Variants in AOX1 observed in about 807,000 individuals in gnomAD.
AOX1 encodes aldehyde oxidase 1, also known as aldehyde oxidase.
Under a neutral mutation model 169.5 loss-of-function variants are expected in AOX1, and 153 were observed. The observed-to-expected ratio is 0.90, with a 90% CI of 0.79 to 1.03. The LOEUF (loss-of-function observed/expected upper bound fraction) is 1.03, where lower values mean the gene tolerates loss of function less well. Among genes scored for constraint, AOX1 ranks in the 50% least tolerant of loss-of-function variants. The pLI, the probability that AOX1 is intolerant of heterozygous loss-of-function variation, is 0.00. For synonymous variants in AOX1, 562 were observed against 581.9 expected, an observed-to-expected ratio of 0.97 and a Z score of 0.49; for missense variants, 1,656 against 1,663.9, an observed-to-expected ratio of 1.00 and a Z score of 0.08.
chr2:200,673,249 A>G (rs2036052311), downstream of AOX1, among the ~76,000 whole-genome samples: 1 of 152,074 alleles, frequency 6.6e-6, no homozygotes, highest in African/African-American at 2.4e-5. Context: ...CCATGGCTGG[A>G]GGTAACTCTC....
At chr2:200,668,200 G>A (rs890610685) in intron 32 of AOX1, among the ~76,000 whole-genome samples, 3 of 151,694 alleles carry the variant, frequency 2.0e-5, no homozygotes, top group South Asian at 2.1e-4. Flanking sequence ...CCGCCTCCCA[G>A]GTTCAAGCGA....
intron 31 of AOX1, among the ~76,000 whole-genome samples, chr2:200,664,119 C>CTGTT (rs67897892): frequency 0.02 from 3,034 of 151,530 alleles, 89 homozygotes; most frequent in African/African-American, 0.069. Flanking sequence ...GAACTGATTT[C>CTGTT]TGTTTGTTTG....
chr2:200,624,999 G>A (rs796819560), intron 19 of AOX1, among the ~76,000 whole-genome samples: 5 of 152,264 alleles, frequency 3.3e-5, no homozygotes, highest in African/African-American at 1.2e-4. Context: ...AGGAGAACTG[G>A]GTGTTGGGGG....
chr2:200,625,300 G>A (rs958904149), intron 19 of AOX1, among the ~76,000 whole-genome samples: 5 of 152,006 alleles, frequency 3.3e-5, no homozygotes, highest in Admixed American at 6.6e-5. Flanking sequence ...AATTATTTAC[G>A]TAACACTTCA....
At chr2:200,586,446 A>C (rs561261103) in intron 1 of AOX1, among the ~76,000 whole-genome samples, 1 of 152,114 alleles carries the variant, frequency 6.6e-6, no homozygotes. Context: ...CGCCCTCCCT[A>C]AACAGTAAGA....
At chr2:200,663,987 T>C (rs186682138) in intron 31 of AOX1, among the ~76,000 whole-genome samples, 161 of 152,310 alleles carry the variant, frequency 1.1e-3, no homozygotes, top group Admixed American at 2.3e-3. Flanking sequence ...ACCTGTCTGG[T>C]TCTAATTCAG....
In AOX1 at chr2:200,634,925, G is replaced by C. The variant is rs772142378; in HGVS notation, c.2346+10G>C. On this transcript the variant is annotated intron_variant, in intron 21 of 34. Transcript: ENST00000374700. ...TCCCAAATATATACAGGTAACATGG[G>C]GCCATTGTGGAGAGGACATGGCTAA... 6.2e-7 allele frequency: 1 copy of C among 1,613,454 alleles called. No individual in the cohort carries two copies. Among genetic ancestry groups the C allele is most frequent in the Non-Finnish European group, 8.5e-7 (1 of 1,179,770 alleles).
intron 32 of AOX1, among the ~76,000 whole-genome samples, chr2:200,668,125 G>A (rs2540067): frequency 0.64 from 95,266 of 148,994 alleles, 30,797 homozygotes; most frequent in African/African-American, 0.75. Context: ...TTTTTTTTGA[G>A]ACTAAGTTTT....
intron 10 of AOX1, among the ~76,000 whole-genome samples, chr2:200,607,968 C>T (rs985192888): frequency 7.2e-5 from 11 of 151,918 alleles, no homozygotes; most frequent in South Asian, 2.1e-4. Flanking sequence ...GGCCTGTTGG[C>T]GGGTGGGGAG....
chr2:200,632,115 A>G (rs898858714), intron 20 of AOX1, among the ~76,000 whole-genome samples: 2 of 152,076 alleles, frequency 1.3e-5, no homozygotes, highest in Non-Finnish European at 2.9e-5. Flanking sequence ...TCTGCCTTCC[A>G]TTAACATGAT....
At position 200,602,291 on chromosome 2, in the gene AOX1, G is replaced by C. The variant is rs1207495656; in HGVS notation, c.444G>C (p.Leu148=). 6.2e-7 allele frequency: 1 copy of C among 1,613,710 alleles called. No individual in the cohort carries two copies. Among genetic ancestry groups the C allele is most frequent in the Non-Finnish European group, 8.5e-7 (1 of 1,179,936 alleles). The change falls in exon 6 of 35, where the codon CTG becomes CTC. Residue 148 remains leucine, a synonymous_variant. Coordinates refer to ENST00000374700, the MANE Select transcript of AOX1 (RefSeq NM_001159.4). ...TGGGTTTTTCTCCTTCAGGTAACCT[G>C]TGCCGTTGCACTGGATACAGGCCCA... ...DQLTDALGGN[L]CRCTGYRPII...
chr2:200,631,260 C>A (rs1559246696), intron 20 of AOX1, among the ~76,000 whole-genome samples: 1 of 152,164 alleles, frequency 6.6e-6, no homozygotes, highest in African/African-American at 2.4e-5. Flanking sequence ...AGGATGAAAT[C>A]TAAGAGTTTT....
At chr2:200,597,304 C>G in intron 3 of AOX1, 93 bp from the exon 4 acceptor site, 2 of 832,006 alleles carry the variant, frequency 2.4e-6, no homozygotes, top group Non-Finnish European at 3.6e-6. Flanking sequence ...ATACAAAAAC[C>G]TGCCACAGTG....
intron 21 of AOX1, among the ~76,000 whole-genome samples, chr2:200,636,498 A>G (rs2035236269): frequency 6.6e-6 from 1 of 152,164 alleles, no homozygotes; most frequent in South Asian, 2.1e-4. Flanking sequence ...GAGGCTTAGA[A>G]GACTGCAAAA....
chr2:200,656,690 C>A, intron 26 of AOX1, 152 bp from the exon 27 acceptor site: 11 of 409,150 alleles, frequency 2.7e-5, no homozygotes, highest in Admixed American at 4.4e-5. Flanking sequence ...GCCCTGGTTT[C>A]CCCCACCCCA....
intron 10 of AOX1, among the ~76,000 whole-genome samples, chr2:200,608,236 A>T (rs2034555755): frequency 6.6e-6 from 1 of 152,170 alleles, no homozygotes; most frequent in African/African-American, 2.4e-5. Context: ...CTAAATACTA[A>T]TTGTCTGAAT....
At chr2:200,673,887 G>A (rs533680698), downstream of AOX1, among the ~76,000 whole-genome samples, 1 of 152,306 alleles carries the variant, frequency 6.6e-6, no homozygotes, top group Admixed American at 6.5e-5. Context: ...TCTGTCTGGA[G>A]GGTTCTATCA....
rs1226743207 is a variant in AOX1, at chr2:200,670,970, G to T, written c.*291G>T. ...ATCCATCCAGCTAAATGGAATAGGT[G>T]ATGACTTGCATGTGACTCCTACTTG... On this transcript the variant is annotated 3_prime_UTR_variant, in exon 35 of 35. Transcript: ENST00000374700. The T allele has an allele frequency of 1.8e-5, 6 of 330,410 alleles. No homozygotes were observed. Among genetic ancestry groups the T allele is most frequent in the African/African-American group, 4.2e-5 (2 of 47,322 alleles). The allele number at this position is 330,410 out of a possible 1,614,324, so 20.5% of individuals were successfully genotyped here.
rs780001202 is a variant in AOX1 at position 200,659,333 on chromosome 2, T to C, written c.3300+40T>C. The stretch of plus-strand genomic sequence containing the variant: ...AGTGGCGTCCAAATCATTAACTCCC[T>C]CAGGGCCAAATACGTGGGTGGGTGG... On this transcript the variant is annotated intron_variant, in intron 28 of 34. Coordinates refer to ENST00000374700, the MANE Select transcript of AOX1 (RefSeq NM_001159.4). 92 of 1,595,464 alleles carry C rather than the reference T, an allele frequency of 5.8e-5. No homozygotes were observed. The East Asian group carries it at 2.0e-3, about 35-fold the overall frequency.
Sources: allele counts gnomAD v4.1 joint callset (sites outside exome capture counted in the v4.1 genomes callset), GRCh38; gene constraint gnomAD v4.1.1; transcripts MANE v1.5; gene names NCBI Gene and HGNC (gene_info 2026-07-23, HGNC 2026-07-21).